The following OSBPL10 variants were observed in gnomAD, a reference collection of about 807,000 sequenced individuals.
OSBPL10 encodes oxysterol binding protein like 10.
OSBPL10 carries 49 observed loss-of-function variants against 81.7 expected under a neutral mutation model. The observed-to-expected ratio is 0.60, with a 90% CI of 0.48 to 0.76. OSBPL10 has a LOEUF of 0.76. Ranked by LOEUF, OSBPL10 falls within the 30% of genes least tolerant of loss-of-function variation. The pLI, the probability that OSBPL10 is intolerant of heterozygous loss-of-function variation, is 0.00. For synonymous variants in OSBPL10, 419 were observed against 383.6 expected, an observed-to-expected ratio of 1.09 and a Z score of -1.08; for missense variants, 923 against 987.8, an observed-to-expected ratio of 0.93 and a Z score of 0.88.
At chr3:31,981,266 C>T (rs1698836677), upstream of OSBPL10, 5 of 1,302,264 alleles carry the variant, frequency 3.8e-6, no homozygotes, top group Non-Finnish European at 4.8e-6. This position sits in a 1 kb window ranked among gnomAD's most constrained non-coding sequence, Gnocchi z 4.5. Flanking sequence ...TCCGGACGCC[C>T]GGGCCGCGCG....
chr3:31,761,774 C>T (rs1698048654), intron 4 of OSBPL10, among the ~76,000 whole-genome samples: 1 of 145,168 alleles, frequency 6.9e-6, no homozygotes, highest in Non-Finnish European at 1.5e-5. Context: ...AAGATTGTGC[C>T]ACCGCACTCC....
intron 5 of OSBPL10, among the ~76,000 whole-genome samples, chr3:31,747,487 T>TAAAAAAAAAAAAAAAAAAAA (rs61150758): frequency 1.0e-5 from 1 of 98,486 alleles, no homozygotes; most frequent in African/African-American, 3.7e-5. Context: ...AATCTTCAAA[T>TAAAAAAAAAAAAAAAAAAAA]AAAAAAAAAA....
chr3:31,846,190 T>A (rs1464941462), intron 3 of OSBPL10, among the ~76,000 whole-genome samples: 1 of 152,126 alleles, frequency 6.6e-6, no homozygotes, highest in East Asian at 1.9e-4. Flanking sequence ...TTTTTTAATT[T>A]TTTGTAGAGA....
chr3:31,981,245 G>A lies in OSBPL10; in HGVS notation c.-66C>T. 7 of 1,329,014 alleles carry A rather than the reference G, an allele frequency of 5.3e-6. No individual in the cohort carries two copies. The highest frequency in any genetic ancestry group is 6.7e-6 in the Non-Finnish European group (7 of 1,048,356). The allele number at this position is 1,329,014 out of a possible 1,614,324, so 82.3% of individuals were successfully genotyped here. A position where few individuals can be genotyped will look rare whatever the true frequency, so the allele number is the denominator to read the frequency against. ...CGGCCCCGGCACGGCGGCTGCTGCT[G>A]CTGCTACAGCTCCGGACGCCCGGGC... On this transcript the variant is annotated 5_prime_UTR_variant, in exon 1 of 12. Coordinates refer to ENST00000396556, the MANE Select transcript of OSBPL10 (RefSeq NM_017784.5). This position sits in a 1 kb window ranked among gnomAD's most constrained non-coding sequence, Gnocchi z 4.5.
intron 4 of OSBPL10, among the ~76,000 whole-genome samples, chr3:31,769,472 A>T (rs1350065368): frequency 7.1e-6 from 1 of 141,412 alleles, no homozygotes; most frequent in African/African-American, 2.7e-5. Flanking sequence ...AAAAAAAACA[A>T]AAAAAAACAG....
At chr3:31,938,316 C>T (rs1174092094) in intron 1 of OSBPL10, among the ~76,000 whole-genome samples, 1 of 152,124 alleles carries the variant, frequency 6.6e-6, no homozygotes, top group Non-Finnish European at 1.5e-5. Context: ...AACCAAATCC[C>T]AACCCCAGAT....
chr3:31,690,686 A>G (rs765826983), intron 7 of OSBPL10, among the ~76,000 whole-genome samples: 2 of 152,196 alleles, frequency 1.3e-5, no homozygotes, highest in Non-Finnish European at 2.9e-5. Context: ...GCTTTGTCAG[A>G]GCAGGAAAAA....
intron 1 of OSBPL10, among the ~76,000 whole-genome samples, chr3:31,935,030 C>T (rs1296316356): frequency 6.6e-6 from 1 of 152,098 alleles, no homozygotes; most frequent in Non-Finnish European, 1.5e-5. Flanking sequence ...CTTCCTGGGA[C>T]AAGATTGCTA....
chr3:31,982,720 T>G (rs1171086285), upstream of OSBPL10, among the ~76,000 whole-genome samples: 3 of 152,172 alleles, frequency 2.0e-5, no homozygotes, highest in Non-Finnish European at 2.9e-5. Flanking sequence ...AATTCTAACC[T>G]ATGACCTTGA....
At chr3:31,808,816 T>C (rs1284547785) in intron 4 of OSBPL10, among the ~76,000 whole-genome samples, 2 of 152,252 alleles carry the variant, frequency 1.3e-5, no homozygotes, top group African/African-American at 4.8e-5. Context: ...AATTTAAACT[T>C]TTCAACAGCA....
Position 31,661,959 on chromosome 3 carries a change from T to A in OSBPL10, c.*113A>T. 1 of 1,420,916 alleles carries A rather than the reference T, an allele frequency of 7.0e-7. No individual in the cohort carries two copies. The highest frequency in any genetic ancestry group is 9.6e-7 in the Non-Finnish European group (1 of 1,039,442). The allele number at this position is 1,420,916 out of a possible 1,614,324, so 88.0% of individuals were successfully genotyped here. A position where few individuals can be genotyped will look rare whatever the true frequency, so the allele number is the denominator to read the frequency against. On this transcript the variant is annotated 3_prime_UTR_variant, in exon 12 of 12. Coordinates refer to ENST00000396556, the MANE Select transcript of OSBPL10 (RefSeq NM_017784.5). ...TATAATTTCTCTCTCTCTCATCATT[T>A]CTTGGATGCTAATACAAGGTCTCAG...
chr3:31,743,276 T>C (rs945230298), intron 5 of OSBPL10, among the ~76,000 whole-genome samples: 1 of 152,064 alleles, frequency 6.6e-6, no homozygotes, highest in African/African-American at 2.4e-5. Context: ...TGTCCTCAAG[T>C]GATCCACCCG....
At chr3:31,978,819 A>G (rs777094119) in intron 1 of OSBPL10, among the ~76,000 whole-genome samples, 29 of 152,212 alleles carry the variant, frequency 1.9e-4, no homozygotes, top group Non-Finnish European at 3.7e-4. Flanking sequence ...GCTATCACGT[A>G]GGTATTATTA....
chr3:31,888,498 TG>T (rs1695803017), intron 1 of OSBPL10, among the ~76,000 whole-genome samples: 1 of 152,186 alleles, frequency 6.6e-6, no homozygotes. Context: ...TAAAAGCTTC[TG>T]TGCAACAAAG....
At chr3:31,793,888 T>C (rs1215112295) in intron 4 of OSBPL10, among the ~76,000 whole-genome samples, 2 of 152,160 alleles carry the variant, frequency 1.3e-5, no homozygotes. Flanking sequence ...AAACAACAAA[T>C]GACAATTAAA....
At chr3:31,801,457 A>G (rs1699376008) in intron 4 of OSBPL10, among the ~76,000 whole-genome samples, 1 of 152,188 alleles carries the variant, frequency 6.6e-6, no homozygotes, top group African/African-American at 2.4e-5. Flanking sequence ...CTGCCTGTTT[A>G]CCAGGCACAA....
At chr3:31,747,338 T>C (rs1697556868) in intron 5 of OSBPL10, among the ~76,000 whole-genome samples, 1 of 151,930 alleles carries the variant, frequency 6.6e-6, no homozygotes, top group South Asian at 2.1e-4. Flanking sequence ...AGTGGGAGAA[T>C]TGGCAAAATG....
chr3:31,966,153 ATGTGTGTGTGTGTGTGTG>A (rs59737552), intron 1 of OSBPL10, among the ~76,000 whole-genome samples: 147 of 134,892 alleles, frequency 1.1e-3, no homozygotes, highest in African/African-American at 3.4e-3. Flanking sequence ...CAACAAAATT[ATGTGTGTGTGTGTGTGTG>A]TGTGTGTGTG....
chr3:31,847,572 C>T (rs1700664838), intron 3 of OSBPL10, among the ~76,000 whole-genome samples: 1 of 152,102 alleles, frequency 6.6e-6, no homozygotes, highest in Non-Finnish European at 1.5e-5. Flanking sequence ...CGGCATTACC[C>T]CAATCCATAT....
Sources: allele counts gnomAD v4.1 joint callset (sites outside exome capture counted in the v4.1 genomes callset), GRCh38; gene constraint gnomAD v4.1.1; non-coding constraint Gnocchi (gnomAD v3.1); transcripts MANE v1.5; gene names NCBI Gene and HGNC (gene_info 2026-07-23, HGNC 2026-07-21).